GRIP1: variants seen among roughly 807,000 people sequenced by gnomAD.
GRIP1 encodes the protein glutamate receptor-interacting protein 1.
GRIP1 carries 45 observed loss-of-function variants against 129.9 expected under a neutral mutation model. The ratio of observed to expected loss-of-function variants is 0.35; its 90% CI spans 0.27 to 0.44. GRIP1 has a LOEUF of 0.44. Ranked by LOEUF, GRIP1 falls within the 20% of genes least tolerant of loss-of-function variation. The pLI is 1.00. For missense variants in GRIP1, 1,196 were observed against 1,396.8 expected, an observed-to-expected ratio of 0.86 and a Z score of 2.29; for synonymous variants, 530 against 520.8, an observed-to-expected ratio of 1.02 and a Z score of -0.24.
chr12:66,408,045 G>A (rs1241352450), intron 15 of GRIP1, among the ~76,000 whole-genome samples: 1 of 152,162 alleles, frequency 6.6e-6, no homozygotes, highest in East Asian at 1.9e-4. Flanking sequence ...GAGTCCTAAG[G>A]CCCCTTTTCT....
intron 1 of GRIP1, among the ~76,000 whole-genome samples, chr12:66,905,454 G>C (rs938875163): frequency 6.6e-6 from 1 of 152,194 alleles, no homozygotes; most frequent in African/African-American, 2.4e-5. Context: ...AAACAGACAA[G>C]AGGGACTTTT....
intron 14 of GRIP1, among the ~76,000 whole-genome samples, chr12:66,430,496 T>C (rs974935832): frequency 2.0e-5 from 3 of 152,182 alleles, no homozygotes; most frequent in Non-Finnish European, 4.4e-5. Flanking sequence ...TAAAACCCAT[T>C]TTAGAAGTAA....
At chr12:66,495,453 T>C (rs969538554) in intron 7 of GRIP1, among the ~76,000 whole-genome samples, 2 of 152,208 alleles carry the variant, frequency 1.3e-5, no homozygotes, top group Admixed American at 1.3e-4. Context: ...TCTACACTGT[T>C]ATGGATTGAG....
At chr12:66,732,027 T>C (rs1404667953) in intron 1 of GRIP1, among the ~76,000 whole-genome samples, 1 of 152,248 alleles carries the variant, frequency 6.6e-6, no homozygotes, top group Non-Finnish European at 1.5e-5. Flanking sequence ...CAAAGCCTTG[T>C]ATCCAAATGC....
chr12:66,417,924 A>T (rs982501511), intron 15 of GRIP1, among the ~76,000 whole-genome samples: 1 of 152,152 alleles, frequency 6.6e-6, no homozygotes, highest in African/African-American at 2.4e-5. Context: ...CTTCACAGAA[A>T]TAGAGAAAAG....
intron 1 of GRIP1, among the ~76,000 whole-genome samples, chr12:66,597,140 T>A (rs2064085401): frequency 6.6e-6 from 1 of 152,116 alleles, no homozygotes; most frequent in Admixed American, 6.6e-5. Context: ...GAGATAAAAT[T>A]CTCATCTACT....
chr12:66,658,217 A>G (rs1295336487), intron 1 of GRIP1, among the ~76,000 whole-genome samples: 1 of 152,244 alleles, frequency 6.6e-6, no homozygotes, highest in Non-Finnish European at 1.5e-5. Flanking sequence ...TACAAATGAT[A>G]CACAAGATTT....
chr12:66,848,897 A>C (rs1054694305), intron 1 of GRIP1, among the ~76,000 whole-genome samples: 1 of 152,154 alleles, frequency 6.6e-6, no homozygotes, highest in Non-Finnish European at 1.5e-5. Flanking sequence ...TTTATAAATG[A>C]GAGGATGGCA....
intron 7 of GRIP1, among the ~76,000 whole-genome samples, chr12:66,479,232 G>A (rs1220215376): frequency 6.6e-6 from 1 of 151,700 alleles, no homozygotes. Flanking sequence ...AATGATAAAG[G>A]GGATATCACC....
chr12:66,846,950 T>C (rs2039829325), intron 1 of GRIP1, among the ~76,000 whole-genome samples: 2 of 152,094 alleles, frequency 1.3e-5, no homozygotes, highest in Admixed American at 1.3e-4. Context: ...CTCTGGAGCA[T>C]AGTGGCTTCC....
At chr12:66,659,627 T>C (rs76315121) in intron 1 of GRIP1, among the ~76,000 whole-genome samples, 343 of 152,364 alleles carry the variant, frequency 2.3e-3, no homozygotes, top group African/African-American at 7.6e-3. Flanking sequence ...TAATTTAATA[T>C]AAACTCTATA....
chr12:66,807,819 C>T (rs1393292419), upstream of GRIP1, among the ~76,000 whole-genome samples: 1 of 151,832 alleles, frequency 6.6e-6, no homozygotes, highest in Non-Finnish European at 1.5e-5. Context: ...AACTATGAGC[C>T]AATTAAACCT....
At chr12:66,986,293 A>G (rs1220419271) in intron 1 of GRIP1, among the ~76,000 whole-genome samples, 1 of 152,100 alleles carries the variant, frequency 6.6e-6, no homozygotes, top group Non-Finnish European at 1.5e-5. Flanking sequence ...ATCTAGAACT[A>G]GAAATACCAT....
At chr12:66,930,309 A>G (rs1333705406) in intron 1 of GRIP1, among the ~76,000 whole-genome samples, 3 of 125,312 alleles carry the variant, frequency 2.4e-5, no homozygotes, top group Non-Finnish European at 4.8e-5. Flanking sequence ...TCCTGTGTCC[A>G]TGTGTTCTCA....
chr12:66,702,612 A>T (rs1049746014), intron 1 of GRIP1, among the ~76,000 whole-genome samples: 1 of 152,210 alleles, frequency 6.6e-6, no homozygotes, highest in African/African-American at 2.4e-5. Flanking sequence ...CCACAGAAGC[A>T]GTGTAATAAA....
intron 1 of GRIP1, among the ~76,000 whole-genome samples, chr12:67,054,705 A>G (rs555372627): frequency 2.7e-4 from 41 of 152,076 alleles, no homozygotes; most frequent in South Asian, 1.7e-3. Flanking sequence ...TAGAGGCTGC[A>G]GTGAGCCAAG....
intron 1 of GRIP1, among the ~76,000 whole-genome samples, chr12:66,615,162 G>A (rs2139915403): frequency 6.6e-6 from 1 of 152,104 alleles, no homozygotes; most frequent in Non-Finnish European, 1.5e-5. Flanking sequence ...AGTAAGTATT[G>A]GCTGAATATT....
intron 2 of GRIP1, among the ~76,000 whole-genome samples, chr12:66,576,742 A>T (rs1415930352): frequency 6.6e-6 from 1 of 152,198 alleles, no homozygotes; most frequent in Non-Finnish European, 1.5e-5. Context: ...CTCTTCTCAA[A>T]CATTACTGGC....
At chr12:66,514,116 T>G (rs2060778098) in intron 7 of GRIP1, among the ~76,000 whole-genome samples, 1 of 152,208 alleles carries the variant, frequency 6.6e-6, no homozygotes, top group African/African-American at 2.4e-5. Context: ...TCACACTTTA[T>G]GAGTTTATTT....
Sources: allele counts gnomAD v4.1 joint callset (sites outside exome capture counted in the v4.1 genomes callset), GRCh38; gene constraint gnomAD v4.1.1; transcripts MANE v1.5; gene names NCBI Gene and HGNC (gene_info 2026-07-23, HGNC 2026-07-21).